Variants in IPCEF1 observed in about 807,000 individuals in gnomAD.
IPCEF1 encodes interaction protein for cytohesin exchange factors 1, also known as interactor protein for cytohesin exchange factors 1.
IPCEF1 carries 31 observed loss-of-function variants against 50.9 expected under a neutral mutation model. The ratio of observed to expected loss-of-function variants is 0.61; its 90% CI spans 0.46 to 0.82. The LOEUF (loss-of-function observed/expected upper bound fraction) is 0.82, where lower values mean the gene tolerates loss of function less well. IPCEF1 is among the 40% of genes least tolerant of loss of function. The pLI is 0.00. For synonymous variants in IPCEF1, 181 were observed against 192.0 expected (o/e 0.94, Z 0.47); for missense variants, 458 against 514.0 (o/e 0.89, Z 1.05).
At chr6:154,236,826 A>C (rs190278587) in intron 5 of IPCEF1, among the ~76,000 whole-genome samples, 1 of 152,270 alleles carries the variant, frequency 6.6e-6, no homozygotes, top group East Asian at 1.9e-4. Context: ...GTAGAATTAA[A>C]ATTGGGTGCG....
intron 2 of IPCEF1, among the ~76,000 whole-genome samples, chr6:154,279,056 T>C (rs1782140343): frequency 6.7e-6 from 1 of 149,530 alleles, no homozygotes; most frequent in African/African-American, 2.5e-5. Context: ...ACCTGGGGGA[T>C]AGAGGTTGCA....
rs1168101536 is a variant in IPCEF1, at chr6:154,157,479, G to C, written c.*2349C>G. On this transcript the variant is annotated 3_prime_UTR_variant, in exon 12 of 12. Transcript: ENST00000367220. ...CTTCTAGGCTAATGTTCTTGACTTT[G>C]AAAAATAAATTTAAGCCTTGGCTAA... 2 of 152,174 alleles carry C rather than the reference G, an allele frequency of 1.3e-5. No homozygotes were observed. Among genetic ancestry groups the C allele is most frequent in the African/African-American group, 4.8e-5 (2 of 41,444 alleles). 9.4% of individuals were successfully genotyped at this position (152,174 alleles called of 1,614,324 possible).
intron 2 of IPCEF1, among the ~76,000 whole-genome samples, chr6:154,268,213 A>G (rs1781807556): frequency 6.6e-6 from 1 of 152,112 alleles, no homozygotes; most frequent in East Asian, 1.9e-4. Flanking sequence ...AGAAGCAGGC[A>G]CTCCTGAGCC....
intron 1 of IPCEF1, among the ~76,000 whole-genome samples, chr6:154,335,224 C>G (rs1027083342): frequency 1.3e-5 from 2 of 152,088 alleles, no homozygotes; most frequent in African/African-American, 2.4e-5. Context: ...TAACTATTTA[C>G]ATATTGATCT....
intron 9 of IPCEF1, among the ~76,000 whole-genome samples, chr6:154,201,827 G>A (rs1041632002): frequency 9.2e-5 from 14 of 152,102 alleles, no homozygotes; most frequent in Non-Finnish European, 1.9e-4. Context: ...CTCAAGAAGC[G>A]GAAGTTGCAG....
chr6:154,352,982 G>A (rs1052641533), intron 1 of IPCEF1, among the ~76,000 whole-genome samples: 5 of 152,096 alleles, frequency 3.3e-5, no homozygotes, highest in African/African-American at 4.8e-5. Context: ...AGGTTTAGAC[G>A]CAGTTATAAG....
intron 1 of IPCEF1, among the ~76,000 whole-genome samples, chr6:154,341,368 G>A (rs1271580740): frequency 2.6e-5 from 4 of 152,170 alleles, no homozygotes; most frequent in East Asian, 1.9e-4. Flanking sequence ...AGTACAAGTC[G>A]CCAGGGTGGA....
At chr6:154,294,691 G>T (rs987698320) in intron 1 of IPCEF1, among the ~76,000 whole-genome samples, 24 of 152,034 alleles carry the variant, frequency 1.6e-4, no homozygotes, top group Non-Finnish European at 3.4e-4. Flanking sequence ...GAGAGTCCCT[G>T]TTTCCCTTTT....
chr6:154,266,587 C>T (rs28610215), intron 2 of IPCEF1, among the ~76,000 whole-genome samples: 22 of 102,250 alleles, frequency 2.2e-4, no homozygotes, highest in Admixed American at 7.7e-4. Context: ...TATATATATA[C>T]ACACAAACAC....
chr6:154,334,156 T>C (rs144136591), intron 1 of IPCEF1, among the ~76,000 whole-genome samples: 36 of 152,302 alleles, frequency 2.4e-4, no homozygotes, highest in African/African-American at 8.2e-4. Flanking sequence ...CACCCTTAGT[T>C]GGAAGCATCT....
chr6:154,186,694 C>T (rs1335296723), intron 10 of IPCEF1, among the ~76,000 whole-genome samples: 2 of 152,030 alleles, frequency 1.3e-5, no homozygotes, highest in Non-Finnish European at 2.9e-5. Context: ...GTAGCTGGGA[C>T]TACAGGCGCC....
At chr6:154,264,919 TTCTAATTTGCGTCAAGAAACCACAG>T in intron 3 of IPCEF1, among the ~76,000 whole-genome samples, 1 of 152,324 alleles carries the variant, frequency 6.6e-6, no homozygotes, top group South Asian at 2.1e-4. Flanking sequence ...GACATCCATT[TTCTAATTTGCGTCAAGAAACCACAG>T]TCTACATTCC....
At chr6:154,316,424 T>A (rs1332005568) in intron 1 of IPCEF1, among the ~76,000 whole-genome samples, 1 of 152,196 alleles carries the variant, frequency 6.6e-6, no homozygotes, top group East Asian at 1.9e-4. Context: ...ACACAAGGTA[T>A]ACTATTCTGT....
intron 1 of IPCEF1, among the ~76,000 whole-genome samples, chr6:154,308,467 A>C (rs551079027): frequency 6.6e-6 from 1 of 152,294 alleles, no homozygotes; most frequent in South Asian, 2.1e-4. Context: ...ATTTAAAATT[A>C]TACCATCCAA....
At chr6:154,173,005 C>T (rs536766894) in intron 10 of IPCEF1, among the ~76,000 whole-genome samples, 1 of 152,364 alleles carries the variant, frequency 6.6e-6, no homozygotes, top group Non-Finnish European at 1.5e-5. Context: ...GCAGCCTCCG[C>T]TGGTGATACC....
At chr6:154,191,712 A>C (rs1413469058) in intron 10 of IPCEF1, among the ~76,000 whole-genome samples, 5 of 150,128 alleles carry the variant, frequency 3.3e-5, no homozygotes, top group African/African-American at 1.2e-4. Context: ...ACAACAACAA[A>C]GAGTGAACCC....
chr6:154,252,883 T>G (rs535388722), intron 3 of IPCEF1, among the ~76,000 whole-genome samples: 1 of 152,286 alleles, frequency 6.6e-6, no homozygotes. Flanking sequence ...GAAGGCACAC[T>G]GCCAAAGGAC....
Position 154,212,768 on chromosome 6 carries a change from AC to A in IPCEF1, c.537+1del. The A allele has an allele frequency of 6.2e-7, 1 of 1,601,870 alleles. No individual in the cohort carries two copies. The highest frequency in any genetic ancestry group is 1.3e-5 in the African/African-American group (1 of 74,744). The stretch of plus-strand genomic sequence containing the variant: ...CAACAGACTACTTATGTCGGTACAT[AC>A]CAAAGACTGAGTCTGGGAAGCGTGA... On this transcript the variant is annotated splice_donor_variant, in intron 9 of 11. Transcript: ENST00000367220. LOFTEE classifies it high-confidence loss of function.
At chr6:154,235,391 G>T (rs1169289319) in intron 5 of IPCEF1, among the ~76,000 whole-genome samples, 1 of 152,090 alleles carries the variant, frequency 6.6e-6, no homozygotes, top group Non-Finnish European at 1.5e-5. Context: ...AATTAGCTGG[G>T]TGTGGTGGCG....
Sources: gnomAD v4.1 joint callset for allele counts (sites outside exome capture counted in the v4.1 genomes callset) on GRCh38, gnomAD v4.1.1 for gene constraint, MANE v1.5 for transcripts, NCBI Gene and HGNC (gene_info 2026-07-23, HGNC 2026-07-21) for gene names.